ULBP1: variants seen among roughly 807,000 people sequenced by gnomAD.
The protein encoded by ULBP1 is UL16-binding protein 1.
In ULBP1, 28 loss-of-function variants were observed where a neutral mutation model predicts 25.3. The ratio of observed to expected loss-of-function variants is 1.10; its 90% CI spans 0.82 to 1.51. The LOEUF (loss-of-function observed/expected upper bound fraction) is 1.51, where lower values mean the gene tolerates loss of function less well. ULBP1 is among the 40% of genes most tolerant of loss of function. ULBP1 has a pLI of 0.00. For synonymous variants in ULBP1, 129 were observed against 103.0 expected, an observed-to-expected ratio of 1.25 and a Z score of -1.53; for missense variants, 348 against 290.9, an observed-to-expected ratio of 1.20 and a Z score of -1.43.
At chr6:149,967,071 A>C (rs1779216499) in intron 1 of ULBP1, among the ~76,000 whole-genome samples, 1 of 152,194 alleles carries the variant, frequency 6.6e-6, no homozygotes, top group Non-Finnish European at 1.5e-5. Flanking sequence ...CACAACCTAT[A>C]ATAGTTACTA....
At chr6:149,968,279 C>T (rs993627440) in intron 1 of ULBP1, among the ~76,000 whole-genome samples, 3 of 152,222 alleles carry the variant, frequency 2.0e-5, no homozygotes, top group South Asian at 2.1e-4. Flanking sequence ...TGCTGAGGGT[C>T]CTCCTCATCC....
intron 1 of ULBP1, 92 bp from the exon 2 acceptor site, chr6:149,968,515 A>G: frequency 2.7e-6 from 4 of 1,502,164 alleles, no homozygotes; most frequent in Non-Finnish European, 3.6e-6. Context: ...AGCCCCTCAG[A>G]GGCCTTCACT....
chr6:149,966,006 C>A (rs1779198805), intron 1 of ULBP1, among the ~76,000 whole-genome samples: 1 of 152,050 alleles, frequency 6.6e-6, no homozygotes, highest in Non-Finnish European at 1.5e-5. Context: ...TCACGATGAC[C>A]CTGGGAGCGC....
chr6:149,964,028 T>TC lies in ULBP1; in HGVS notation c.-20dup, dbSNP rs1779148519. On this transcript the variant is annotated 5_prime_UTR_variant, in exon 1 of 5. Transcript: ENST00000229708. ...CGAAGGGAACCATCAGCGCCTCCTG[T>TC]CCACGGAGCTCCAGGTCTACAATGG... 39 of 1,613,530 alleles carry TC rather than the reference T, an allele frequency of 2.4e-5. No individual in the cohort carries two copies. Among genetic ancestry groups the TC allele is most frequent in the Non-Finnish European group, 3.0e-5 (35 of 1,179,734 alleles).
rs1234346390 is a variant in ULBP1 at position 149,968,852 on chromosome 6, G to A, written c.331G>A (p.Glu111Lys). ...LKGQLLDIQV[E>K]NLIPIEPLTL... ...AGGGCAACTGCTTGACATTCAAGTG[G>A]AGAATTTAATACCCATTGGTAAGTT... is the stretch of plus-strand genomic sequence containing the variant. The change falls in exon 2 of 5, where the codon GAG (glutamate) becomes AAG (lysine). Residue 111 changes from glutamate to lysine, a missense_variant. Physicochemically the swap from Glu to Lys is moderately conservative, Grantham distance 56. Coordinates refer to ENST00000229708, the MANE Select transcript of ULBP1 (RefSeq NM_025218.4). 6.2e-7 allele frequency: 1 copy of A among 1,614,020 alleles called. No individual in the cohort carries two copies. Among genetic ancestry groups the A allele is most frequent in the Non-Finnish European group, 8.5e-7 (1 of 1,180,032 alleles).
intron 1 of ULBP1, 130 bp from the exon 2 acceptor site, chr6:149,968,477 G>A: frequency 2.4e-6 from 3 of 1,243,902 alleles, no homozygotes; most frequent in Non-Finnish European, 3.4e-6. Flanking sequence ...GACAGTCCTG[G>A]CTGGGGCATG....
At chr6:149,968,495 C>G in intron 1 of ULBP1, 112 bp from the exon 2 acceptor site, 1 of 1,413,524 alleles carries the variant, frequency 7.1e-7, no homozygotes, top group Non-Finnish European at 9.6e-7. Context: ...ATGTCTTGGT[C>G]TGCCAGCCCA....
intron 1 of ULBP1, 73 bp from the exon 2 acceptor site, chr6:149,968,534 C>T (rs1779243775): frequency 1.9e-6 from 3 of 1,543,826 alleles, no homozygotes; most frequent in Non-Finnish European, 2.6e-6. Flanking sequence ...CTTGCAGTCA[C>T]CATAAGTGGG....
intron 1 of ULBP1, among the ~76,000 whole-genome samples, chr6:149,965,988 C>T (rs1779198329): frequency 6.6e-6 from 1 of 152,068 alleles, no homozygotes; most frequent in Admixed American, 6.5e-5. Context: ...CGGGAAATCC[C>T]ATTTCCCTCA....
chr6:149,964,200 G>A (rs1265179891), intron 1 of ULBP1, 66 bp downstream of exon 1: 2 of 1,578,170 alleles, frequency 1.3e-6, no homozygotes, highest in African/African-American at 1.4e-5. Context: ...ACTGCAGCGG[G>A]TTTCAGAGGA....
At chr6:149,969,803 A>T (rs1012232789) in intron 3 of ULBP1, among the ~76,000 whole-genome samples, 3 of 151,814 alleles carry the variant, frequency 2.0e-5, no homozygotes, top group Admixed American at 6.6e-5. Context: ...CTGTGCTGTC[A>T]CCTCGCTTCC....
intron 1 of ULBP1, among the ~76,000 whole-genome samples, chr6:149,967,552 T>G (rs770800950): frequency 4.5e-4 from 69 of 152,202 alleles, no homozygotes; most frequent in Non-Finnish European, 9.1e-4. Context: ...CGTTTTGTCT[T>G]TGTTTGTTGT....
intron 1 of ULBP1, among the ~76,000 whole-genome samples, chr6:149,965,003 G>C (rs974647358): frequency 1.4e-5 from 2 of 147,378 alleles, no homozygotes; most frequent in African/African-American, 5.0e-5. Flanking sequence ...CCCCTCCGCG[G>C]CTCCTTTCCT....
chr6:149,971,781 G>A lies in ULBP1; in HGVS notation c.*435G>A, dbSNP rs1401050446. 6.6e-6 allele frequency: 1 copy of A among 152,070 alleles called. No individual in the cohort carries two copies. The highest frequency in any genetic ancestry group is 1.5e-5 in the Non-Finnish European group (1 of 68,038). 9.4% of individuals were successfully genotyped at this position (152,070 alleles called of 1,614,324 possible). Reference sequence around the variant, plus strand: ...TAGCATGCTGGACTTCAGACCTCAGGGATCCTTTTGATGCACTGACCAGGA... The same window carrying A: ...TAGCATGCTGGACTTCAGACCTCAGAGATCCTTTTGATGCACTGACCAGGA... On this transcript the variant is annotated 3_prime_UTR_variant, in exon 5 of 5. Transcript: ENST00000229708.
Position 149,964,205 on chromosome 6 carries a change from A to G in ULBP1, c.85+71A>G, listed in dbSNP as rs568749495. The G allele has an allele frequency of 3.7e-4, 572 of 1,554,574 alleles. 10 individuals are homozygous for G. In the South Asian group the frequency reaches 6.1e-3, roughly 17 times the overall value. On this transcript the variant is annotated intron_variant, in intron 1 of 4. Coordinates refer to ENST00000229708, the MANE Select transcript of ULBP1 (RefSeq NM_025218.4). ...GAGGTTGTGGACTGCAGCGGGTTTC[A>G]GAGGAGGGGAGGCTTCTGGAAGGAC...
chr6:149,969,042 A>G, intron 2 of ULBP1, 43 bp from the exon 3 acceptor site: 2 of 1,599,414 alleles, frequency 1.3e-6, no homozygotes, highest in Non-Finnish European at 1.7e-6. Context: ...GGTGGGGCTC[A>G]GGCTTTGTCA....
chr6:149,966,873 G>A (rs76968226), intron 1 of ULBP1, among the ~76,000 whole-genome samples: 8,575 of 152,160 alleles, frequency 0.056, 517 homozygotes, highest in East Asian at 0.34. Context: ...GTGATTCTGC[G>A]GTTGGCAATT....
rs1025285001 is a variant in ULBP1 at position 149,972,734 on chromosome 6, G to A, written c.*1388G>A. The A allele has an allele frequency of 6.6e-6, 1 of 150,514 alleles. No homozygotes were observed. Among genetic ancestry groups the A allele is most frequent in the African/African-American group, 2.5e-5 (1 of 40,686 alleles). 9.3% of individuals were successfully genotyped at this position (150,514 alleles called of 1,614,324 possible). On this transcript the variant is annotated 3_prime_UTR_variant, in exon 5 of 5. Transcript: ENST00000229708. ...CTTTTCAAAAGAAGACCTACAATTG[G>A]CCAACAAACATGAAAAAATGCTCAG...
rs139717022 is a variant in ULBP1 at position 149,969,241 on chromosome 6, C to G, written c.506C>G (p.Thr169Arg). Residue 169 changes from threonine (T) to arginine (R), a missense_variant, in exon 3 of 5, where the codon ACA becomes AGA. Physicochemically the swap from Thr to Arg is moderately conservative, Grantham distance 71. Transcript: ENST00000229708. ...CTTCATCCTGGAGCCAAGAAGATGA[C>G]AGAGAAGTGGGAGAAGAACAGGGAT... ...TALHPGAKKM[T>R]EKWEKNRDVT... 3.1e-6 allele frequency: 5 copies of G among 1,614,114 alleles called. No homozygotes were observed. The African/African-American group carries it at 4.0e-5, about 13-fold the overall frequency.
Sources: allele counts gnomAD v4.1 joint callset (sites outside exome capture counted in the v4.1 genomes callset), GRCh38; gene constraint gnomAD v4.1.1; transcripts MANE v1.5; gene names NCBI Gene and HGNC (gene_info 2026-07-23, HGNC 2026-07-21).